NCEH1: variants seen among roughly 807,000 people sequenced by gnomAD.
NCEH1 encodes the protein 2-acetyl MAGE hydrolase.
Under a neutral mutation model 25.4 loss-of-function variants are expected in NCEH1, and 9 were observed. That is an observed-to-expected ratio of 0.35 (90% CI 0.21 to 0.62). The LOEUF (loss-of-function observed/expected upper bound fraction) is 0.62, where lower values mean the gene tolerates loss of function less well. Ranked by LOEUF, NCEH1 falls within the 20% of genes least tolerant of loss-of-function variation. NCEH1 has a pLI of 0.72. For synonymous variants in NCEH1, 200 were observed against 199.8 expected (o/e 1.00, Z -0.01); for missense variants, 412 against 501.1 (o/e 0.82, Z 1.70).
intron 1 of NCEH1, among the ~76,000 whole-genome samples, chr3:172,697,107 G>A (rs13063669): frequency 6.8e-6 from 1 of 147,758 alleles, no homozygotes; most frequent in Non-Finnish European, 1.5e-5. Flanking sequence ...TTTTTTTTTT[G>A]AAGTATAGAT....
At chr3:172,674,697 C>CGCA (rs1358128493) in intron 1 of NCEH1, among the ~76,000 whole-genome samples, 1 of 152,080 alleles carries the variant, frequency 6.6e-6, no homozygotes, top group Non-Finnish European at 1.5e-5. Flanking sequence ...TTTACTATGC[C>CGCA]ACTCTTGTGG....
chr3:172,650,811 C>CG (rs1409204163), intron 1 of NCEH1, among the ~76,000 whole-genome samples: 5 of 89,992 alleles, frequency 5.6e-5, no homozygotes, highest in Non-Finnish European at 1.0e-4. Flanking sequence ...GACTCTGCCT[C>CG]GAAAAAAAAA....
At chr3:172,677,053 T>C (rs1321497412) in intron 1 of NCEH1, among the ~76,000 whole-genome samples, 1 of 152,186 alleles carries the variant, frequency 6.6e-6, no homozygotes, top group East Asian at 1.9e-4. Context: ...CAGCAGCATT[T>C]GTTTTCATTT....
chr3:172,696,500 C>T (rs992633347), intron 1 of NCEH1, among the ~76,000 whole-genome samples: 2 of 152,168 alleles, frequency 1.3e-5, no homozygotes, highest in South Asian at 4.1e-4. Flanking sequence ...ATGATGATAA[C>T]AATGAACAAT....
In NCEH1 at chr3:172,632,447, A is replaced by T. The variant is rs893906835; in HGVS notation, c.*1028T>A. 4 of 152,604 alleles carry T rather than the reference A, an allele frequency of 2.6e-5. No individual in the cohort carries two copies. Among genetic ancestry groups the T allele is most frequent in the African/African-American group, 9.6e-5 (4 of 41,468 alleles). 9.5% of individuals were successfully genotyped at this position (152,604 alleles called of 1,614,324 possible). A position where few individuals can be genotyped will look rare whatever the true frequency, so the allele number is the denominator to read the frequency against. ...TAAATAACTTAAAAAAATAAACAAT[A>T]CATTATATTGTAGCAAAATAGCTCC... On this transcript the variant is annotated 3_prime_UTR_variant, in exon 5 of 5. Coordinates refer to ENST00000475381, the MANE Select transcript of NCEH1 (RefSeq NM_020792.6).
chr3:172,706,670 T>C (rs1041838320), intron 1 of NCEH1, among the ~76,000 whole-genome samples: 2 of 152,024 alleles, frequency 1.3e-5, no homozygotes, highest in Admixed American at 6.6e-5. Context: ...GGCTAATTTT[T>C]TGTATTTTTT....
chr3:172,666,878 C>A (rs1321142968), intron 1 of NCEH1, among the ~76,000 whole-genome samples: 1 of 152,120 alleles, frequency 6.6e-6, no homozygotes, highest in Non-Finnish European at 1.5e-5. Context: ...ATGCTGTAGA[C>A]CTGGGATATA....
At chr3:172,661,009 G>A (rs1214607964) in intron 1 of NCEH1, among the ~76,000 whole-genome samples, 1 of 152,166 alleles carries the variant, frequency 6.6e-6, no homozygotes. Flanking sequence ...GGCTTTTGCT[G>A]CTATTGCTTT....
At chr3:172,697,970 A>ATTTTTTTTTTTTTTTTTTTTTTTTTT (rs386398562) in intron 1 of NCEH1, among the ~76,000 whole-genome samples, 1 of 101,094 alleles carries the variant, frequency 9.9e-6, no homozygotes. Context: ...TAAAAGCAGA[A>ATTTTTTTTTTTTTTTTTTTTTTTTTT]TTTTTTTTTT....
intron 4 of NCEH1, among the ~76,000 whole-genome samples, chr3:172,634,999 G>A (rs1334974613): frequency 3.9e-5 from 6 of 152,108 alleles, no homozygotes; most frequent in African/African-American, 1.4e-4. Flanking sequence ...CCTTGCAACA[G>A]CCCTGCAATC....
At chr3:172,705,199 T>C (rs961358201) in intron 1 of NCEH1, among the ~76,000 whole-genome samples, 4 of 152,196 alleles carry the variant, frequency 2.6e-5, no homozygotes, top group African/African-American at 9.7e-5. Context: ...GAGGGTGGCA[T>C]AGTTTCACTA....
intron 3 of NCEH1, among the ~76,000 whole-genome samples, chr3:172,637,970 C>A (rs893754752): frequency 6.6e-6 from 1 of 152,016 alleles, no homozygotes; most frequent in Non-Finnish European, 1.5e-5. Context: ...TCACTTGAAC[C>A]CAGGAAGTGG....
In NCEH1 at chr3:172,711,019, A is replaced by C. The variant is rs1214783381; in HGVS notation, c.-35T>G. 6 of 1,613,818 alleles carry C rather than the reference A, an allele frequency of 3.7e-6. No individual in the cohort carries two copies. The Admixed American group carries it at 5.0e-5, about 13-fold the overall frequency. ...GCTCGGCTCGCCAGCGGGCTGGCAAAGAGGAAAGGGCGATACCACCCGGAG... is the reference window on the plus strand; with the variant it reads ...GCTCGGCTCGCCAGCGGGCTGGCAACGAGGAAAGGGCGATACCACCCGGAG... On this transcript the variant is annotated 5_prime_UTR_variant, in exon 1 of 5. Transcript: ENST00000475381.
At chr3:172,634,801 C>G (rs1716530333) in intron 4 of NCEH1, among the ~76,000 whole-genome samples, 1 of 152,168 alleles carries the variant, frequency 6.6e-6, no homozygotes, top group African/African-American at 2.4e-5. Flanking sequence ...AGAAAGCTAA[C>G]TAGTCATGAA....
intron 1 of NCEH1, among the ~76,000 whole-genome samples, chr3:172,649,578 T>C (rs534093386): frequency 2.0e-5 from 3 of 152,364 alleles, no homozygotes; most frequent in Non-Finnish European, 1.5e-5. Context: ...CACAGAGGAT[T>C]CTAACTATCA....
At chr3:172,672,665 C>T (rs1274037649) in intron 1 of NCEH1, among the ~76,000 whole-genome samples, 3 of 152,112 alleles carry the variant, frequency 2.0e-5, no homozygotes, top group East Asian at 3.9e-4. Context: ...GGGGCCACTT[C>T]GGTCTTTTAT....
At chr3:172,645,242 GA>G (rs963641439) in intron 3 of NCEH1, among the ~76,000 whole-genome samples, 1 of 152,120 alleles carries the variant, frequency 6.6e-6, no homozygotes, top group Admixed American at 6.5e-5. Context: ...ACAAGTCATA[GA>G]ACCTGACTCT....
chr3:172,642,375 C>G (rs1716892761), intron 3 of NCEH1, among the ~76,000 whole-genome samples: 1 of 151,600 alleles, frequency 6.6e-6, no homozygotes. Context: ...AGGGTTTTGC[C>G]ATATTGTCCA....
At chr3:172,642,674 G>A (rs1193991735) in intron 3 of NCEH1, among the ~76,000 whole-genome samples, 12 of 149,644 alleles carry the variant, frequency 8.0e-5, no homozygotes, top group Non-Finnish European at 1.0e-4. Flanking sequence ...ATAAATAAAC[G>A]TGTAAGTTGT....
Sources: allele counts gnomAD v4.1 joint callset (sites outside exome capture counted in the v4.1 genomes callset), GRCh38; gene constraint gnomAD v4.1.1; transcripts MANE v1.5; gene names NCBI Gene and HGNC (gene_info 2026-07-23, HGNC 2026-07-21).